Variants in TRIM5 observed in about 807,000 individuals in gnomAD.
TRIM5 encodes tripartite motif containing 5.
Under a neutral mutation model 35.6 loss-of-function variants are expected in TRIM5, and 31 were observed. The ratio of observed to expected loss-of-function variants is 0.87; its 90% CI spans 0.65 to 1.18. TRIM5 has a LOEUF of 1.18. Among genes scored for constraint, TRIM5 ranks in the 50% most tolerant of loss-of-function variants. The pLI is 0.00. For synonymous variants in TRIM5, 243 were observed against 215.6 expected (o/e 1.13, Z -1.11); for missense variants, 609 against 591.6 (o/e 1.03, Z -0.31).
the TRIM5 span, chr11:5,643,481 G>A: frequency 6.2e-7 from 1 of 1,614,224 alleles, no homozygotes; most frequent in Non-Finnish European, 8.5e-7. Context: ...TCTTTGAAGA[G>A]TCTTTGTCCT....
chr11:5,630,072 C>CT, the TRIM5 span, among the ~76,000 whole-genome samples: 2 of 152,092 alleles, frequency 1.3e-5, no homozygotes, highest in Non-Finnish European at 2.9e-5. Context: ...ACTAACGTAG[C>CT]TTAGGTAAAT....
the TRIM5 span, among the ~76,000 whole-genome samples, chr11:5,618,591 C>T: frequency 2.0e-4 from 30 of 152,214 alleles, no homozygotes; most frequent in African/African-American, 6.5e-4. Flanking sequence ...AATTTTAACA[C>T]CACAGTCAGG....
chr11:5,603,145 C>A, the TRIM5 span: 1 of 1,510,762 alleles, frequency 6.6e-7, no homozygotes, highest in Non-Finnish European at 8.8e-7. Context: ...CCCTTGTTAC[C>A]CCAGGTGTCT....
chr11:5,592,914 C>CAAAAAAAAAAAAAA, the TRIM5 span, among the ~76,000 whole-genome samples: 4 of 67,158 alleles, frequency 6.0e-5, no homozygotes, highest in African/African-American at 1.9e-4. Flanking sequence ...GAGATTGTCT[C>CAAAAAAAAAAAAAA]AAAAAAAAAA....
At chr11:5,604,734 C>A in the TRIM5 span, 2 of 1,212,194 alleles carry the variant, frequency 1.6e-6, no homozygotes, top group Non-Finnish European at 2.3e-6. Flanking sequence ...GATGCCATGA[C>A]TAGAAGAGCT....
downstream of TRIM5, among the ~76,000 whole-genome samples, chr11:5,661,041 C>CAAAAAAAAAAAAAAAAA (rs61394016): frequency 8.1e-5 from 3 of 37,142 alleles, no homozygotes; most frequent in Non-Finnish European, 1.3e-4. Context: ...GACTCCGTCT[C>CAAAAAAAAAAAAAAAAA]AAAAAAAAAA....
the TRIM5 span, chr11:5,625,187 G>A: frequency 6.6e-6 from 1 of 152,208 alleles, no homozygotes; most frequent in African/African-American, 2.4e-5. Flanking sequence ...AGGCTAGCTT[G>A]CAGGCTTCCT....
At chr11:5,632,263 G>T in the TRIM5 span, 1 of 1,605,022 alleles carries the variant, frequency 6.2e-7, no homozygotes, top group Non-Finnish European at 8.5e-7. Context: ...AGCCATCCAG[G>T]GGTCTTTAAC....
chr11:5,615,706 G>A, the TRIM5 span, among the ~76,000 whole-genome samples: 1 of 151,648 alleles, frequency 6.6e-6, no homozygotes, highest in Non-Finnish European at 1.5e-5. Context: ...TGATTCTCCT[G>A]CCTCAGCCTC....
the TRIM5 span, among the ~76,000 whole-genome samples, chr11:5,657,545 T>C: frequency 8.1e-6 from 1 of 123,108 alleles, no homozygotes; most frequent in African/African-American, 3.5e-5. Flanking sequence ...TTATATATTA[T>C]ATATAATGCA....
At chr11:5,617,334 A>T in the TRIM5 span, among the ~76,000 whole-genome samples, 1 of 144,542 alleles carries the variant, frequency 6.9e-6, no homozygotes, top group Non-Finnish European at 1.5e-5. Context: ...GGAAACCCTC[A>T]CATTTTTGAA....
At chr11:5,606,094 T>G in the TRIM5 span, among the ~76,000 whole-genome samples, 2 of 152,202 alleles carry the variant, frequency 1.3e-5, no homozygotes, top group African/African-American at 4.8e-5. Context: ...TCTCTGATGC[T>G]GTGTTGGGAA....
rs778002535 is a variant in TRIM5, at chr11:5,679,767, C to A, written c.411G>T (p.Glu137Asp). ...HTFLTEEVAR[E>D]YQVKLQAALE... Reference sequence around the variant, plus strand: ...TTCCATCCCAGTCTCTTACTTGGTACTCCCGGGCAACCTCCTCTGTGAGGA... The same window carrying A: ...TTCCATCCCAGTCTCTTACTTGGTAATCCCGGGCAACCTCCTCTGTGAGGA... The change falls in exon 2 of 8, where the codon GAG becomes GAT. Residue 137 changes from glutamate (E) to aspartate (D), a missense_variant. Glu to Asp is a conservative substitution (Grantham distance 45). Coordinates refer to ENST00000380034, the MANE Select transcript of TRIM5 (RefSeq NM_033034.3). 6.3e-7 allele frequency: 1 copy of A among 1,586,966 alleles called. No individual in the cohort carries two copies. The highest frequency in any genetic ancestry group is 2.2e-5 in the East Asian group (1 of 44,576).
In TRIM5 at chr11:5,680,213, C is replaced by T. The variant is rs1203628348; in HGVS notation, c.-36G>A. 2.6e-6 allele frequency: 4 copies of T among 1,542,012 alleles called. No individual in the cohort carries two copies. Among genetic ancestry groups the T allele is most frequent in the Non-Finnish European group, 2.6e-6 (3 of 1,142,408 alleles). On this transcript the variant is annotated 5_prime_UTR_variant, in exon 2 of 8. Transcript: ENST00000380034. ...CCACTGCTCCTGCCTGTCCTGGCTG[C>T]TGAGGTTCCTCTTGTTCACAGATCC...
At chr11:5,632,726 T>G in the TRIM5 span, 12 of 1,607,738 alleles carry the variant, frequency 7.5e-6, no homozygotes, top group African/African-American at 1.4e-4. Context: ...CACACAGTCC[T>G]CACGGAGGAA....
chr11:5,676,165 T>C (rs1202382325), intron 4 of TRIM5, among the ~76,000 whole-genome samples: 1 of 151,468 alleles, frequency 6.6e-6, no homozygotes, highest in Non-Finnish European at 1.5e-5. Context: ...TAAACATACG[T>C]GTGCATGTGT....
the TRIM5 span, chr11:5,643,732 A>G: frequency 1.3e-6 from 2 of 1,554,576 alleles, no homozygotes; most frequent in South Asian, 1.3e-5. Flanking sequence ...CTTCACCTAC[A>G]ACCCTTTGTC....
chr11:5,603,550 C>T, the TRIM5 span: 135 of 1,613,892 alleles, frequency 8.4e-5, 1 homozygote, highest in African/African-American at 1.2e-3. Flanking sequence ...CATAGTGAGG[C>T]GGCTCAGAGA....
At chr11:5,678,665 T>G (rs1852184820) in intron 3 of TRIM5, among the ~76,000 whole-genome samples, 1 of 152,200 alleles carries the variant, frequency 6.6e-6, no homozygotes, top group African/African-American at 2.4e-5. Flanking sequence ...GTTACCTGGA[T>G]GTAGCTTACC....
Sources: allele counts gnomAD v4.1 joint callset (sites outside exome capture counted in the v4.1 genomes callset), GRCh38; gene constraint gnomAD v4.1.1; transcripts MANE v1.5; gene names NCBI Gene and HGNC (gene_info 2026-07-23, HGNC 2026-07-21).